Variants in KCNH5 observed in about 807,000 individuals in gnomAD.
KCNH5 encodes the protein voltage-gated delayed rectifier potassium channel KCNH5.
A neutral mutation model predicts 96.1 loss-of-function variants in KCNH5; 46 were observed. The observed-to-expected ratio is 0.48, with a 90% CI of 0.38 to 0.61. The LOEUF (loss-of-function observed/expected upper bound fraction) is 0.61, where lower values mean the gene tolerates loss of function less well. Among genes scored for constraint, KCNH5 ranks in the 20% least tolerant of loss-of-function variants. KCNH5 has a pLI of 0.00. For missense variants in KCNH5, 907 were observed against 1,225.8 expected (o/e 0.74, Z 3.88); for synonymous variants, 439 against 449.8 (o/e 0.98, Z 0.30).
chr14:62,884,074 C>T (rs1274981090), intron 7 of KCNH5, among the ~76,000 whole-genome samples: 2 of 152,090 alleles, frequency 1.3e-5, no homozygotes, highest in Non-Finnish European at 2.9e-5. Flanking sequence ...TCTTAGAGAA[C>T]CACCAGTACT....
chr14:62,821,345 C>G (rs1054028061), intron 8 of KCNH5, among the ~76,000 whole-genome samples: 5 of 152,036 alleles, frequency 3.3e-5, no homozygotes, highest in Non-Finnish European at 7.4e-5. Context: ...TAGTTGTTTA[C>G]TTAGTAATAT....
At chr14:63,029,589 A>AC (rs141885067) in intron 1 of KCNH5, among the ~76,000 whole-genome samples, 1,751 of 152,170 alleles carry the variant, frequency 0.012, 24 homozygotes, top group African/African-American at 0.03. Context: ...TTAAATGTTG[A>AC]CCTGCAAACC....
chr14:62,861,272 A>T (rs1595659555), intron 7 of KCNH5, among the ~76,000 whole-genome samples: 1 of 146,334 alleles, frequency 6.8e-6, no homozygotes. Context: ...CTAAAAATTG[A>T]TTTTTTTTTT....
At chr14:62,991,317 G>A (rs568116191) in intron 4 of KCNH5, among the ~76,000 whole-genome samples, 19 of 152,050 alleles carry the variant, frequency 1.2e-4, no homozygotes, top group African/African-American at 4.1e-4. Context: ...AGGTAGGAAA[G>A]GCATGGTAGG....
intron 7 of KCNH5, among the ~76,000 whole-genome samples, chr14:62,947,202 T>C (rs1378593662): frequency 6.6e-6 from 1 of 152,216 alleles, no homozygotes; most frequent in Non-Finnish European, 1.5e-5. Flanking sequence ...GTTTTCTTTT[T>C]TAATCTAACT....
At chr14:62,899,628 G>A (rs1163969454) in intron 7 of KCNH5, among the ~76,000 whole-genome samples, 6 of 151,696 alleles carry the variant, frequency 4.0e-5, no homozygotes, top group Admixed American at 2.0e-4. Context: ...TCAGGAGATC[G>A]AGACCATCCC....
chr14:62,732,032 G>A (rs928808933), intron 10 of KCNH5, among the ~76,000 whole-genome samples: 1 of 152,096 alleles, frequency 6.6e-6, no homozygotes, highest in African/African-American at 2.4e-5. Context: ...CTTGGCCATA[G>A]GGCTTCCCAT....
intron 2 of KCNH5, among the ~76,000 whole-genome samples, chr14:63,013,852 T>C (rs748480146): frequency 6.6e-6 from 1 of 152,228 alleles, no homozygotes; most frequent in African/African-American, 2.4e-5. Context: ...ATATTTTGAT[T>C]CCTTCCAGGT....
chr14:63,008,471 T>C lies in KCNH5; in HGVS notation c.198-1999A>G, dbSNP rs77477750. ...CACATTACAACCAGAAATTACAGGGTAACTCAAGCCCACCTTCTATAACAC... is the reference window on the plus strand; with the variant it reads ...CACATTACAACCAGAAATTACAGGGCAACTCAAGCCCACCTTCTATAACAC... On this transcript the variant is annotated intron_variant, in intron 2 of 10. Coordinates refer to ENST00000322893, the MANE Select transcript of KCNH5 (RefSeq NM_139318.5). 3.5e-3 allele frequency among the ~76,000 whole-genome samples: 528 copies of C among 151,756 alleles called. 4 individuals carry two copies. Among genetic ancestry groups the C allele is most frequent in the African/African-American group, 0.012 (503 of 41,374 alleles).
intron 9 of KCNH5, among the ~76,000 whole-genome samples, chr14:62,797,336 A>G (rs1886561899): frequency 6.6e-6 from 1 of 152,240 alleles, no homozygotes; most frequent in South Asian, 2.1e-4. Flanking sequence ...ACAAGTATGC[A>G]TGTTTTTAAA....
intron 10 of KCNH5, among the ~76,000 whole-genome samples, chr14:62,720,891 C>T (rs1884798680): frequency 6.6e-6 from 1 of 152,186 alleles, no homozygotes; most frequent in South Asian, 2.1e-4. Flanking sequence ...CACACACACA[C>T]TGTATACCTA....
intron 8 of KCNH5, among the ~76,000 whole-genome samples, chr14:62,811,334 T>C (rs2093811519): frequency 6.6e-6 from 1 of 152,122 alleles, no homozygotes; most frequent in Non-Finnish European, 1.5e-5. Flanking sequence ...CTCTTTATGG[T>C]GGAATCCTGC....
chr14:62,991,149 T>C (rs1890801503), intron 4 of KCNH5, among the ~76,000 whole-genome samples: 1 of 152,058 alleles, frequency 6.6e-6, no homozygotes, highest in Admixed American at 6.6e-5. Flanking sequence ...TTTTACTGAA[T>C]GGTTTTGTTT....
chr14:62,713,831 A>G (rs1369943229), intron 10 of KCNH5, among the ~76,000 whole-genome samples: 1 of 152,256 alleles, frequency 6.6e-6, no homozygotes, highest in African/African-American at 2.4e-5. Flanking sequence ...GGCCCTCTCT[A>G]CAAGTCCTTA....
At chr14:62,829,853 G>A (rs1887306314) in intron 8 of KCNH5, among the ~76,000 whole-genome samples, 1 of 152,058 alleles carries the variant, frequency 6.6e-6, no homozygotes, top group African/African-American at 2.4e-5. Flanking sequence ...TCTACCACAT[G>A]GTCAGGCTGC....
At position 62,981,204 on chromosome 14, in the gene KCNH5, G is replaced by C. The variant is rs1165675846; in HGVS notation, c.610C>G (p.Pro204Ala). The part of the protein sequence containing the change: ...QYKQEAPKTP[P>A]HIILHYCAFK... ...GCACAATAATGTAAAATAATGTGTG[G>C]TGGCGTCTTTGGCGCTTCTTGTTTA... Residue 204 changes from proline to alanine, a missense_variant, in exon 6 of 11, where the codon CCA becomes GCA. Coordinates refer to ENST00000322893, the MANE Select transcript of KCNH5 (RefSeq NM_139318.5). 6.2e-7 allele frequency: 1 copy of C among 1,614,102 alleles called. No individual in the cohort carries two copies. Among genetic ancestry groups the C allele is most frequent in the Non-Finnish European group, 8.5e-7 (1 of 1,179,956 alleles).
intron 10 of KCNH5, among the ~76,000 whole-genome samples, chr14:62,768,431 T>C (rs1885912343): frequency 6.6e-6 from 1 of 152,200 alleles, no homozygotes. Flanking sequence ...ACATCATTTA[T>C]TAATCATATC....
rs377315290 is a variant in KCNH5 at position 62,830,097 on chromosome 14, A to G, written c.1569+19556T>C. Among the ~76,000 whole-genome samples the G allele has an allele frequency of 5.3e-5, 8 of 152,220 alleles. No homozygotes were observed. In the East Asian group the frequency reaches 5.8e-4, roughly 11 times the overall value. On this transcript the variant is annotated intron_variant, in intron 8 of 10. Transcript: ENST00000322893. The stretch of plus-strand genomic sequence containing the variant: ...ATGCCACCAGTCTCTTTGCTAAATC[A>G]TAGCAAAAGTGACCTTTACTCCAGT...
intron 7 of KCNH5, among the ~76,000 whole-genome samples, chr14:62,918,983 G>A (rs1451070830): frequency 6.6e-6 from 1 of 151,920 alleles, no homozygotes; most frequent in Non-Finnish European, 1.5e-5. Flanking sequence ...CTTAAATAAA[G>A]AATGTTACAG....
Sources: gnomAD v4.1 joint callset for allele counts (sites outside exome capture counted in the v4.1 genomes callset) on GRCh38, gnomAD v4.1.1 for gene constraint, MANE v1.5 for transcripts, NCBI Gene and HGNC (gene_info 2026-07-23, HGNC 2026-07-21) for gene names.